NDST3: variants seen among roughly 807,000 people sequenced by gnomAD.
NDST3 encodes bifunctional heparan sulfate N-deacetylase/N-sulfotransferase 3.
A neutral mutation model predicts 96.1 loss-of-function variants in NDST3; 58 were observed. The ratio of observed to expected loss-of-function variants is 0.60; its 90% CI spans 0.49 to 0.75. NDST3 has a LOEUF of 0.75. Ranked by LOEUF, NDST3 falls within the 30% of genes least tolerant of loss-of-function variation. NDST3 has a pLI of 0.00. For missense variants in NDST3, 788 were observed against 1,034.2 expected (o/e 0.76, Z 3.27); for synonymous variants, 333 against 359.7 (o/e 0.93, Z 0.84).
Position 118,035,671 on chromosome 4 carries a change from T to G in NDST3, c.-156+1079T>G, listed in dbSNP as rs187862314. Among the ~76,000 whole-genome samples, 232 of 152,108 alleles carry G rather than the reference T, an allele frequency of 1.5e-3. 2 individuals are homozygous for G. Among genetic ancestry groups the G allele is most frequent in the African/African-American group, 5.0e-3 (209 of 41,562 alleles). On this transcript the variant is annotated intron_variant, in intron 1 of 13. Coordinates refer to ENST00000296499, the MANE Select transcript of NDST3 (RefSeq NM_004784.3). ...CCTTTTTAAAATAGTACTGAACATA[T>G]AAAGAGGCTTGCCTAAGATAAGCTC...
At chr4:118,081,220 C>G (rs568392760) in intron 2 of NDST3, among the ~76,000 whole-genome samples, 1 of 152,114 alleles carries the variant, frequency 6.6e-6, no homozygotes. Context: ...CCCTAAAGTT[C>G]GAGAACCCAT....
intron 4 of NDST3, among the ~76,000 whole-genome samples, chr4:118,133,817 G>C (rs1732842126): frequency 6.6e-6 from 1 of 152,210 alleles, no homozygotes; most frequent in African/African-American, 2.4e-5. Context: ...GAAGGAGGTA[G>C]TCAGAATCAG....
At position 118,138,138 on chromosome 4, in the gene NDST3, G is replaced by A. The variant is rs1285950914; in HGVS notation, c.1309G>A (p.Ala437Thr). The change falls in exon 5 of 14, where the codon GCC (alanine) becomes ACC (threonine). Residue 437 changes from alanine (A) to threonine (T), a missense_variant. Transcript: ENST00000296499. ...VYPVHVQLYEAWKKVWNIKIT... is the reference protein window; with the variant it reads ...VYPVHVQLYETWKKVWNIKIT... ...CCCTGTACATGTTCAGCTTTATGAG[G>A]CCTGGAAGAAGGTCTGGAATATTAA... is the stretch of plus-strand genomic sequence containing the variant. 5 of 1,613,990 alleles carry A rather than the reference G, an allele frequency of 3.1e-6. No homozygotes were observed. Among genetic ancestry groups the A allele is most frequent in the East Asian group, 2.2e-5 (1 of 44,862 alleles).
chr4:118,180,887 C>T (rs542488512), intron 6 of NDST3, among the ~76,000 whole-genome samples: 5 of 152,270 alleles, frequency 3.3e-5, no homozygotes, highest in African/African-American at 4.8e-5. Context: ...TGAATTCCAA[C>T]AGCCAGAGTT....
In NDST3 at chr4:118,143,593, C is replaced by A; in HGVS notation, c.1448C>A (p.Thr483Asn). ...CAAACCTGTGGGCTTTTCACTCACA[C>A]CATTTTCTACAAAGAATATCCAGGG... ...PRQTCGLFTH[T>N]IFYKEYPGGP... Residue 483 changes from threonine (T) to asparagine (N), a missense_variant, in exon 6 of 14, where the codon ACC (threonine) becomes AAC (asparagine). Physicochemically the swap from Thr to Asn is moderately conservative, Grantham distance 65. Coordinates refer to ENST00000296499, the MANE Select transcript of NDST3 (RefSeq NM_004784.3). 1 of 1,609,336 alleles carries A rather than the reference C, an allele frequency of 6.2e-7. No individual in the cohort carries two copies. Among genetic ancestry groups the A allele is most frequent in the Non-Finnish European group, 8.5e-7 (1 of 1,178,388 alleles).
intron 12 of NDST3, among the ~76,000 whole-genome samples, chr4:118,248,178 C>T (rs1741442768): frequency 6.6e-6 from 1 of 151,980 alleles, no homozygotes; most frequent in Non-Finnish European, 1.5e-5. Context: ...TGGTGGAACC[C>T]CATCTCTACT....
At chr4:118,104,274 C>T (rs890259581) in intron 2 of NDST3, among the ~76,000 whole-genome samples, 4 of 151,556 alleles carry the variant, frequency 2.6e-5, no homozygotes, top group East Asian at 1.9e-4. Context: ...ACTCAACTAC[C>T]GTGTGTGTGT....
intron 6 of NDST3, among the ~76,000 whole-genome samples, chr4:118,211,918 T>C (rs1211975177): frequency 6.6e-6 from 1 of 152,116 alleles, no homozygotes; most frequent in Admixed American, 6.5e-5. Flanking sequence ...CTTGCCCACA[T>C]CCCAGAAGAG....
At chr4:118,236,452 T>G (rs999531978) in intron 9 of NDST3, among the ~76,000 whole-genome samples, 1 of 152,232 alleles carries the variant, frequency 6.6e-6, no homozygotes, top group Non-Finnish European at 1.5e-5. Context: ...GTTTTTAAAC[T>G]TCTCTTACAA....
chr4:118,168,662 T>C (rs1178469729), intron 6 of NDST3, among the ~76,000 whole-genome samples: 1 of 152,168 alleles, frequency 6.6e-6, no homozygotes, highest in Non-Finnish European at 1.5e-5. Flanking sequence ...CTTGAAGAGA[T>C]ACATGCACTC....
intron 2 of NDST3, among the ~76,000 whole-genome samples, chr4:118,087,644 C>T (rs976123383): frequency 1.3e-5 from 2 of 152,204 alleles, no homozygotes; most frequent in East Asian, 1.9e-4. Flanking sequence ...CCATACTTGA[C>T]ATGTATGATT....
At chr4:118,077,622 T>A (rs1200290204) in intron 2 of NDST3, among the ~76,000 whole-genome samples, 1 of 152,164 alleles carries the variant, frequency 6.6e-6, no homozygotes. Context: ...ACAGGTAATA[T>A]ACTTGCCCAG....
chr4:118,253,434 A>G lies in NDST3; in HGVS notation c.2400-65A>G, dbSNP rs1052433699. Reference sequence around the variant, plus strand: ...CACTATATCATATGTATTGGTCACCATATCATATAAATTGGTTGAAAAATG... The same window carrying G: ...CACTATATCATATGTATTGGTCACCGTATCATATAAATTGGTTGAAAAATG... On this transcript the variant is annotated intron_variant, in intron 12 of 13. Transcript: ENST00000296499. The G allele has an allele frequency of 1.3e-5, 13 of 1,030,092 alleles. No homozygotes were observed. The African/African-American group carries it at 1.9e-4, about 15-fold the overall frequency. 63.8% of individuals were successfully genotyped at this position (1,030,092 alleles called of 1,614,324 possible).
At chr4:118,076,467 A>AC (rs1727541554) in intron 2 of NDST3, among the ~76,000 whole-genome samples, 1 of 151,940 alleles carries the variant, frequency 6.6e-6, no homozygotes, top group African/African-American at 2.4e-5. Context: ...ATAATCCCAT[A>AC]TTCTCAGAGG....
At chr4:118,083,589 T>TG (rs1188579491) in intron 2 of NDST3, among the ~76,000 whole-genome samples, 1 of 152,206 alleles carries the variant, frequency 6.6e-6, no homozygotes, top group East Asian at 1.9e-4. Flanking sequence ...TTGGGAGTGC[T>TG]GGTTTGCCTT....
At position 118,052,314 on chromosome 4, in the gene NDST3, C is replaced by T. The variant is rs569063576; in HGVS notation, c.-155-1442C>T. 2.0e-3 allele frequency among the ~76,000 whole-genome samples: 305 copies of T among 152,072 alleles called. 1 individual carries two copies. The highest frequency in any genetic ancestry group is 7.2e-3 in the African/African-American group (298 of 41,528). On this transcript the variant is annotated intron_variant, in intron 1 of 13. Coordinates refer to ENST00000296499, the MANE Select transcript of NDST3 (RefSeq NM_004784.3). ...ACAAAATACCACATGTTCTCACTTA[C>T]AAGTGGGAGCTAAACCCTGAGCACA...
intron 3 of NDST3, among the ~76,000 whole-genome samples, chr4:118,106,106 C>G (rs951053854): frequency 2.6e-5 from 4 of 152,120 alleles, no homozygotes; most frequent in African/African-American, 9.7e-5. Context: ...GATATCCTCT[C>G]TTGAGGAGTA....
At chr4:118,249,432 T>C (rs1427058696) in intron 12 of NDST3, among the ~76,000 whole-genome samples, 1 of 152,220 alleles carries the variant, frequency 6.6e-6, no homozygotes, top group African/African-American at 2.4e-5. Flanking sequence ...GTACAGATTA[T>C]TTAAATAATA....
chr4:118,132,267 C>T (rs1019138254), intron 4 of NDST3, among the ~76,000 whole-genome samples: 2 of 152,192 alleles, frequency 1.3e-5, no homozygotes, highest in African/African-American at 4.8e-5. Flanking sequence ...TAAGCTAGTA[C>T]TAAAACCATA....
Sources: gnomAD v4.1 joint callset for allele counts (sites outside exome capture counted in the v4.1 genomes callset) on GRCh38, gnomAD v4.1.1 for gene constraint, MANE v1.5 for transcripts, NCBI Gene and HGNC (gene_info 2026-07-23, HGNC 2026-07-21) for gene names.